SPACA1: variants seen among roughly 807,000 people sequenced by gnomAD.
SPACA1 encodes sperm acrosome associated 1.
A neutral mutation model predicts 32.6 loss-of-function variants in SPACA1; 17 were observed. The observed-to-expected ratio is 0.52, with a 90% CI of 0.36 to 0.78. The LOEUF (loss-of-function observed/expected upper bound fraction) is 0.78, where lower values mean the gene tolerates loss of function less well. Among genes scored for constraint, SPACA1 ranks in the 30% least tolerant of loss-of-function variants. SPACA1 has a pLI of 0.01. For missense variants in SPACA1, 363 were observed against 373.4 expected (o/e 0.97, Z 0.23); for synonymous variants, 140 against 138.1 (o/e 1.01, Z -0.10).
chr6:88,062,177 C>G (rs976136240), intron 5 of SPACA1, among the ~76,000 whole-genome samples: 18 of 152,124 alleles, frequency 1.2e-4, no homozygotes, highest in Non-Finnish European at 4.4e-5. Flanking sequence ...AGCGAGATCC[C>G]TAACTTGAGT....
intron 1 of SPACA1, among the ~76,000 whole-genome samples, chr6:88,052,363 C>A (rs1775740217): frequency 6.6e-6 from 1 of 152,074 alleles, no homozygotes; most frequent in South Asian, 2.1e-4. Context: ...GCCGTGTTTT[C>A]TATGTTCAGG....
intron 5 of SPACA1, among the ~76,000 whole-genome samples, chr6:88,059,948 C>T (rs1775867601): frequency 6.6e-6 from 1 of 152,138 alleles, no homozygotes; most frequent in South Asian, 2.1e-4. Flanking sequence ...CTTTTACTTT[C>T]ATTATAAAAG....
rs1775664805 is a variant in SPACA1 at position 88,047,895 on chromosome 6, GGCC to G, written c.-9_-7del. The G allele has an allele frequency of 6.5e-7, 1 of 1,535,302 alleles. No individual in the cohort carries two copies. Among genetic ancestry groups the G allele is most frequent in the Non-Finnish European group, 8.8e-7 (1 of 1,138,252 alleles). On this transcript the variant is annotated 5_prime_UTR_variant, in exon 1 of 7. Transcript: ENST00000237201. ...CGACTGCGCCTCGGACGGCCGTCGG[GGCC>G]GAGAACCATGAGCCCCAGGGGCACG...
upstream of SPACA1, among the ~76,000 whole-genome samples, chr6:88,046,927 A>G (rs1295701604): frequency 6.6e-6 from 1 of 152,208 alleles, no homozygotes; most frequent in East Asian, 1.9e-4. Flanking sequence ...CAAATATTCC[A>G]AAAGCCAGAG....
At chr6:88,047,741 G>T (rs113084849), upstream of SPACA1, 594 of 702,044 alleles carry the variant, frequency 8.5e-4, 2 homozygotes, top group African/African-American at 9.7e-3. Flanking sequence ...AGTTCCAGGC[G>T]CTCAGCACCG....
At chr6:88,059,687 C>T (rs1775864066) in intron 5 of SPACA1, 99 bp downstream of exon 5, 4 of 1,200,246 alleles carry the variant, frequency 3.3e-6, no homozygotes, top group East Asian at 5.4e-5. Context: ...CTAGCCCTCC[C>T]CCCAGAGTTT....
rs1034155660 is a variant in SPACA1, at chr6:88,066,504, C to G, written c.*169C>G. 1.7e-5 allele frequency: 8 copies of G among 470,106 alleles called. No individual in the cohort carries two copies. The highest frequency in any genetic ancestry group is 1.1e-4 in the East Asian group (3 of 27,090). The allele number at this position is 470,106 out of a possible 1,614,324, so 29.1% of individuals were successfully genotyped here. On this transcript the variant is annotated 3_prime_UTR_variant, in exon 7 of 7. Coordinates refer to ENST00000237201, the MANE Select transcript of SPACA1 (RefSeq NM_030960.3). Reference sequence around the variant, plus strand: ...ATTTTATCAGTGCATTTTTCCAGTACAGTTATCAAATATTACTTTTAATTT... The same window carrying G: ...ATTTTATCAGTGCATTTTTCCAGTAGAGTTATCAAATATTACTTTTAATTT...
intron 2 of SPACA1, among the ~76,000 whole-genome samples, 156 bp downstream of exon 2, chr6:88,054,158 T>C (rs1775771960): frequency 6.6e-6 from 1 of 152,138 alleles, no homozygotes; most frequent in East Asian, 1.9e-4. Context: ...AAACTCAGGG[T>C]GATTGCTTTA....
At chr6:88,058,980 A>T (rs774895156) in intron 4 of SPACA1, among the ~76,000 whole-genome samples, 158 bp downstream of exon 4, 1 of 152,226 alleles carries the variant, frequency 6.6e-6, no homozygotes, top group Non-Finnish European at 1.5e-5. Flanking sequence ...TAAAATTTTC[A>T]TTATTTACTA....
chr6:88,066,124 C>G, intron 6 of SPACA1, 58 bp from the exon 7 acceptor site: 1 of 1,390,038 alleles, frequency 7.2e-7, no homozygotes, highest in Non-Finnish European at 9.7e-7. Context: ...ATATAGAAAT[C>G]TATTCAGTTT....
intron 6 of SPACA1, among the ~76,000 whole-genome samples, chr6:88,065,830 A>G (rs1267249165): frequency 6.6e-6 from 1 of 151,392 alleles, no homozygotes; most frequent in African/African-American, 2.4e-5. Context: ...TAATTTTTTA[A>G]AATTTTATTT....
intron 1 of SPACA1, among the ~76,000 whole-genome samples, chr6:88,049,445 A>G (rs1775696157): frequency 6.6e-6 from 1 of 152,156 alleles, no homozygotes; most frequent in Non-Finnish European, 1.5e-5. Context: ...AATACATACT[A>G]TTTCATGCAT....
chr6:88,049,337 C>A (rs939397902), intron 1 of SPACA1, among the ~76,000 whole-genome samples: 24 of 152,202 alleles, frequency 1.6e-4, no homozygotes, highest in African/African-American at 5.5e-4. Flanking sequence ...GTTATAATGT[C>A]TTACCTTCAA....
rs1248288570 is a variant in SPACA1, at chr6:88,047,975, C to G, written c.70C>G (p.Leu24Val). The G allele has an allele frequency of 1.3e-6, 2 of 1,566,178 alleles. No individual in the cohort carries two copies. ...TGTCGGCTGGCTGCTTCTGGCGGGC[C>G]TCCAGTCCGCGCGCGGGACCAACGT... ...MTVGWLLLAG[L>V]QSARGTNVTA... Residue 24 changes from leucine (L) to valine (V), a missense_variant, in exon 1 of 7, where the codon CTC becomes GTC. Transcript: ENST00000237201.
chr6:88,065,875 T>G (rs1775975091), intron 6 of SPACA1, among the ~76,000 whole-genome samples: 1 of 151,840 alleles, frequency 6.6e-6, no homozygotes, highest in African/African-American at 2.4e-5. Flanking sequence ...ATGTATGATT[T>G]TTACCATTTT....
chr6:88,049,140 C>T lies in SPACA1; in HGVS notation c.208+1027C>T, dbSNP rs1320530044. Among the ~76,000 whole-genome samples, 4 of 152,120 alleles carry T rather than the reference C, an allele frequency of 2.6e-5. No homozygotes were observed. In the East Asian group the frequency reaches 7.7e-4, roughly 29 times the overall value. ...ATACTACAGAGAGCTTAAAAAGATC[C>T]TTGACTTCGGAAATGTGAAAAAGAA... On this transcript the variant is annotated intron_variant, in intron 1 of 6. Transcript: ENST00000237201.
At chr6:88,056,695 C>T (rs1232219169) in intron 2 of SPACA1, among the ~76,000 whole-genome samples, 2 of 152,114 alleles carry the variant, frequency 1.3e-5, no homozygotes, top group Non-Finnish European at 2.9e-5. Context: ...CGTAGAGGGG[C>T]TGGAAGAGGA....
chr6:88,053,959 T>C lies in SPACA1; in HGVS notation c.222T>C (p.Asn74=). ...PPETEDVSNR[N]VVKEVEFGMC... is the part of the protein sequence containing the mutation. ...CTTTATGTTTAGTTTCAAATAGGAA[T>C]GTCGTCAAAGAAGTAGAATTCGGAA... The change falls in exon 2 of 7, where the codon AAT becomes AAC. Residue 74 remains asparagine (N), a synonymous_variant. Transcript: ENST00000237201. The C allele has an allele frequency of 6.2e-7, 1 of 1,613,488 alleles. No homozygotes were observed. Among genetic ancestry groups the C allele is most frequent in the Non-Finnish European group, 8.5e-7 (1 of 1,179,622 alleles).
At chr6:88,049,297 A>G (rs187946349) in intron 1 of SPACA1, among the ~76,000 whole-genome samples, 1 of 152,346 alleles carries the variant, frequency 6.6e-6, no homozygotes, top group East Asian at 1.9e-4. Flanking sequence ...AAAATGCTAA[A>G]TATTATTTAG....
Sources: allele counts gnomAD v4.1 joint callset (sites outside exome capture counted in the v4.1 genomes callset), GRCh38; gene constraint gnomAD v4.1.1; transcripts MANE v1.5; gene names NCBI Gene and HGNC (gene_info 2026-07-23, HGNC 2026-07-21).